Variants in CMTM8 observed in about 807,000 individuals in gnomAD.
CMTM8 encodes CKLF like MARVEL transmembrane domain containing 8.
Under a neutral mutation model 18.6 loss-of-function variants are expected in CMTM8, and 12 were observed. That is an observed-to-expected ratio of 0.65 (90% CI 0.41 to 1.05). CMTM8 has a LOEUF of 1.05. Among genes scored for constraint, CMTM8 ranks in the 50% least tolerant of loss-of-function variants. The pLI is 0.00. For synonymous variants in CMTM8, 87 were observed against 90.6 expected (o/e 0.96, Z 0.23); for missense variants, 217 against 227.2 (o/e 0.95, Z 0.29).
chr3:32,337,646 T>C (rs2065464080), intron 1 of CMTM8, among the ~76,000 whole-genome samples: 1 of 152,188 alleles, frequency 6.6e-6, no homozygotes, highest in South Asian at 2.1e-4. Flanking sequence ...TAGGGCTTCT[T>C]AAACTTGAGC....
rs190531709 is a variant in CMTM8 at position 32,345,480 on chromosome 3, C to T, written c.148-11893C>T. The stretch of plus-strand genomic sequence containing the variant: ...TTGAAATATTTGATGTTTGTGATGA[C>T]GCTGGGTCATCAAAAGGTTTAGCTG... On this transcript the variant is annotated intron_variant, in intron 1 of 3. Coordinates refer to ENST00000307526, the MANE Select transcript of CMTM8 (RefSeq NM_178868.5). Among the ~76,000 whole-genome samples the T allele has an allele frequency of 4.6e-5, 7 of 152,138 alleles. No individual in the cohort carries two copies. In the East Asian group the frequency reaches 5.8e-4, roughly 13 times the overall value.
At chr3:32,294,598 G>A (rs1374509933) in intron 1 of CMTM8, among the ~76,000 whole-genome samples, 2 of 152,148 alleles carry the variant, frequency 1.3e-5, no homozygotes, top group Non-Finnish European at 2.9e-5. Context: ...TCTATAAAAT[G>A]GGAATGATAC....
At chr3:32,244,685 G>T (rs1270488125) in intron 1 of CMTM8, among the ~76,000 whole-genome samples, 1 of 152,136 alleles carries the variant, frequency 6.6e-6, no homozygotes, top group Non-Finnish European at 1.5e-5. Flanking sequence ...TCGTAAAGAA[G>T]TACCATACCT....
intron 1 of CMTM8, among the ~76,000 whole-genome samples, chr3:32,280,201 G>C (rs1034239810): frequency 1.3e-5 from 2 of 152,062 alleles, no homozygotes; most frequent in Non-Finnish European, 2.9e-5. Context: ...GGGAGAATAG[G>C]GTCTGGAAGC....
In CMTM8 at chr3:32,246,992, T is replaced by C. The variant is rs1189609305; in HGVS notation, c.147+7873T>C. ...GGCAGGCACCTGTAATCCCAGCTAC[T>C]CTGGAGACTGAGGCAGGAGAATCGC... On this transcript the variant is annotated intron_variant, in intron 1 of 3. Coordinates refer to ENST00000307526, the MANE Select transcript of CMTM8 (RefSeq NM_178868.5). Among the ~76,000 whole-genome samples the C allele has an allele frequency of 2.0e-5, 3 of 152,164 alleles. 1 individual carries two copies. The highest frequency in any genetic ancestry group is 4.4e-5 in the Non-Finnish European group (3 of 68,000).
At chr3:32,273,860 G>C (rs1213187155) in intron 1 of CMTM8, among the ~76,000 whole-genome samples, 1 of 152,076 alleles carries the variant, frequency 6.6e-6, no homozygotes, top group Non-Finnish European at 1.5e-5. Flanking sequence ...TCTTGAAGTG[G>C]TTTTAAAAAA....
At chr3:32,264,473 AC>A (rs1702304500) in intron 1 of CMTM8, among the ~76,000 whole-genome samples, 1 of 152,060 alleles carries the variant, frequency 6.6e-6, no homozygotes, top group Admixed American at 6.6e-5. Context: ...TGGAAAGGAA[AC>A]CCGTACCAGC....
chr3:32,284,827 T>C (rs1284671822), intron 1 of CMTM8, among the ~76,000 whole-genome samples: 1 of 152,268 alleles, frequency 6.6e-6, no homozygotes, highest in Non-Finnish European at 1.5e-5. Flanking sequence ...GGTTCTATTT[T>C]GAGAGTTCTC....
intron 1 of CMTM8, among the ~76,000 whole-genome samples, chr3:32,275,792 G>A (rs1702508512): frequency 6.6e-6 from 1 of 151,902 alleles, no homozygotes; most frequent in South Asian, 2.1e-4. Context: ...TGGGATTACA[G>A]GTGTGCATCA....
chr3:32,312,741 A>AC (rs1695843925), intron 1 of CMTM8, among the ~76,000 whole-genome samples: 1 of 151,130 alleles, frequency 6.6e-6, no homozygotes. Context: ...GAAGGTTCTA[A>AC]CCCTCTAATC....
chr3:32,327,930 G>C (rs960742782), intron 1 of CMTM8, among the ~76,000 whole-genome samples: 18 of 152,182 alleles, frequency 1.2e-4, no homozygotes, highest in Admixed American at 1.2e-3. Flanking sequence ...GCAATACTTG[G>C]CTGGGTGCAA....
At chr3:32,318,399 G>A (rs971257792) in intron 1 of CMTM8, among the ~76,000 whole-genome samples, 1 of 151,988 alleles carries the variant, frequency 6.6e-6, no homozygotes, top group African/African-American at 2.4e-5. Context: ...TCATAAAGAT[G>A]TTTGCAGCAA....
intron 1 of CMTM8, among the ~76,000 whole-genome samples, chr3:32,345,048 A>C (rs1267380117): frequency 6.6e-6 from 1 of 152,090 alleles, no homozygotes; most frequent in Non-Finnish European, 1.5e-5. Context: ...CAATTAAAAA[A>C]ATTTCTTCAG....
At chr3:32,259,101 C>T in intron 1 of CMTM8, 1 of 392,622 alleles carries the variant, frequency 2.5e-6, no homozygotes. Flanking sequence ...CCGTGTCCTG[C>T]TCCACCAGCT....
intron 1 of CMTM8, among the ~76,000 whole-genome samples, chr3:32,323,792 CA>C (rs1180820179): frequency 6.6e-6 from 1 of 152,226 alleles, no homozygotes; most frequent in Non-Finnish European, 1.5e-5. Flanking sequence ...CTGCTTTGGG[CA>C]AGTTGCCAAA....
intron 1 of CMTM8, among the ~76,000 whole-genome samples, chr3:32,270,798 A>G (rs73067559): frequency 0.44 from 67,152 of 151,658 alleles, 16,110 homozygotes; most frequent in South Asian, 0.59. Flanking sequence ...GCAGCACACC[A>G]ACATGGCACA....
chr3:32,296,895 AG>A (rs1472715855), intron 1 of CMTM8, among the ~76,000 whole-genome samples: 7 of 151,776 alleles, frequency 4.6e-5, no homozygotes, highest in Non-Finnish European at 8.8e-5. Context: ...TGGCCAGTAG[AG>A]GGCAGCAGAG....
intron 1 of CMTM8, among the ~76,000 whole-genome samples, chr3:32,271,362 C>T (rs1204692265): frequency 1.3e-5 from 2 of 152,194 alleles, no homozygotes; most frequent in Non-Finnish European, 2.9e-5. Context: ...TCGGGTGACC[C>T]GCCTACCTAG....
At chr3:32,315,349 C>T (rs771488523) in intron 1 of CMTM8, among the ~76,000 whole-genome samples, 5 of 152,200 alleles carry the variant, frequency 3.3e-5, no homozygotes, top group South Asian at 4.2e-4. Flanking sequence ...AGGCTGGTCT[C>T]GAACTCCTCA....
Sources: gnomAD v4.1 joint callset for allele counts (sites outside exome capture counted in the v4.1 genomes callset) on GRCh38, gnomAD v4.1.1 for gene constraint, MANE v1.5 for transcripts, NCBI Gene and HGNC (gene_info 2026-07-23, HGNC 2026-07-21) for gene names.